KIF11: variants seen among roughly 807,000 people sequenced by gnomAD.
KIF11 encodes the protein kinesin family member 11.
In KIF11, 9 loss-of-function variants were observed where a neutral mutation model predicts 121.0. The ratio of observed to expected loss-of-function variants is 0.07; its 90% CI spans 0.04 to 0.13. The LOEUF (loss-of-function observed/expected upper bound fraction) is 0.13. KIF11 is among the 10% of genes least tolerant of loss of function. The probability of loss-of-function intolerance (pLI) is 1.00; values close to 1 mark genes in which losing one functional copy is unlikely to be tolerated. For missense variants in KIF11, 846 were observed against 1,217.5 expected (o/e 0.69, Z 4.54); for synonymous variants, 408 against 421.0 (o/e 0.97, Z 0.38).
chr10:92,628,879 A>C lies in KIF11; in HGVS notation c.1289A>C (p.Glu430Ala), dbSNP rs554967578. ...TTGATTGAAAAAATTGGTGCTGTTGAGGAGGAGCTGAATAGGGTAAGCACT... is the reference window on the plus strand; with the variant it reads ...TTGATTGAAAAAATTGGTGCTGTTGCGGAGGAGCTGAATAGGGTAAGCACT... The part of the protein sequence containing the change: ...VELIEKIGAV[E>A]EELNRVTELF... Residue 430 changes from glutamate to alanine, a missense_variant, in exon 11 of 22, where the codon GAG becomes GCG. Transcript: ENST00000260731. The C allele has an allele frequency of 6.6e-5, 104 of 1,586,432 alleles. No homozygotes were observed. In the South Asian group the frequency reaches 1.1e-3, roughly 16 times the overall value.
chr10:92,610,200 C>CTGA (rs1049704149), intron 6 of KIF11, among the ~76,000 whole-genome samples: 8 of 152,088 alleles, frequency 5.3e-5, no homozygotes, highest in African/African-American at 1.7e-4. Flanking sequence ...GAGCCCCCTA[C>CTGA]TGATATTAGA....
At chr10:92,612,818 T>G (rs1763862217) in intron 6 of KIF11, among the ~76,000 whole-genome samples, 2 of 152,178 alleles carry the variant, frequency 1.3e-5, no homozygotes, top group East Asian at 3.9e-4. Flanking sequence ...TTAGAGAGCT[T>G]CTTATTGATG....
At chr10:92,605,028 TAA>T (rs1391483576) in intron 1 of KIF11, among the ~76,000 whole-genome samples, 1 of 151,338 alleles carries the variant, frequency 6.6e-6, no homozygotes, top group Admixed American at 6.6e-5. Flanking sequence ...AAAAAAAAGA[TAA>T]GAGAGGTGAT....
chr10:92,593,599 C>T (rs1844257604), intron 1 of KIF11, 147 bp downstream of exon 1: 1 of 660,368 alleles, frequency 1.5e-6, no homozygotes. Flanking sequence ...AAATGACACC[C>T]GGTTGCTGTG....
chr10:92,601,755 T>C (rs1419946620), intron 1 of KIF11, among the ~76,000 whole-genome samples: 1 of 151,828 alleles, frequency 6.6e-6, no homozygotes, highest in Non-Finnish European at 1.5e-5. Flanking sequence ...TTTCCCATGC[T>C]GATCCTGAAC....
At chr10:92,628,774 T>G in intron 10 of KIF11, 34 bp from the exon 11 acceptor site, 2 of 1,165,914 alleles carry the variant, frequency 1.7e-6, no homozygotes, top group Non-Finnish European at 2.5e-6. Flanking sequence ...GAAAAAAATA[T>G]TAACTGTTAA....
intron 10 of KIF11, among the ~76,000 whole-genome samples, chr10:92,627,625 T>C (rs1844694435): frequency 6.6e-6 from 1 of 152,162 alleles, no homozygotes; most frequent in Non-Finnish European, 1.5e-5. Flanking sequence ...ATATCTGTCA[T>C]TTGTATTTAT....
chr10:92,646,664 A>G (rs1375611757), intron 18 of KIF11, among the ~76,000 whole-genome samples: 2 of 152,186 alleles, frequency 1.3e-5, no homozygotes, highest in Non-Finnish European at 2.9e-5. Context: ...AGGTGGCATA[A>G]TTTGAGCATC....
chr10:92,596,103 A>T (rs1844293039), intron 1 of KIF11, among the ~76,000 whole-genome samples: 1 of 152,104 alleles, frequency 6.6e-6, no homozygotes, highest in African/African-American at 2.4e-5. Flanking sequence ...TCCCGGGTTC[A>T]CGCCATTCTC....
At chr10:92,595,573 A>G (rs2135893842) in intron 1 of KIF11, among the ~76,000 whole-genome samples, 1 of 152,276 alleles carries the variant, frequency 6.6e-6, no homozygotes, top group South Asian at 2.1e-4. Context: ...GTCATTTTCA[A>G]ACACACATAA....
Position 92,609,195 on chromosome 10 carries a change from C to T in KIF11, c.563C>T (p.Pro188Leu). ...GAGAGACTACAGATGTTTGATGATCCCCGTAACAAGGTAATTCAGTCTTTG... is the reference window on the plus strand; with the variant it reads ...GAGAGACTACAGATGTTTGATGATCTCCGTAACAAGGTAATTCAGTCTTTG... ...VSERLQMFDDPRNKRGVIIKG... is the reference protein window; with the variant it reads ...VSERLQMFDDLRNKRGVIIKG... Residue 188 changes from proline (P) to leucine (L), a missense_variant, in exon 5 of 22, where the codon CCC (proline) becomes CTC (leucine). Transcript: ENST00000260731. The T allele has an allele frequency of 6.4e-7, 1 of 1,565,118 alleles. No individual in the cohort carries two copies. Among genetic ancestry groups the T allele is most frequent in the South Asian group, 1.2e-5 (1 of 84,722 alleles).
chr10:92,606,410 G>A lies in KIF11; in HGVS notation c.210+13G>A. On this transcript the variant is annotated intron_variant, in intron 2 of 21. Transcript: ENST00000260731. Reference sequence around the variant, plus strand: ...CACTTTTGATATGGTAACATATGGTGCAATTTCTTTATTATCCACTAATGT... The same window carrying A: ...CACTTTTGATATGGTAACATATGGTACAATTTCTTTATTATCCACTAATGT... The A allele has an allele frequency of 1.9e-6, 3 of 1,577,426 alleles. No individual in the cohort carries two copies. Among genetic ancestry groups the A allele is most frequent in the Non-Finnish European group, 2.6e-6 (3 of 1,166,160 alleles).
In KIF11 at chr10:92,609,299, AGAGAGTGTGTGTGT is replaced by A. The variant is rs1441192785; in HGVS notation, c.574-84_574-71del. 119 of 715,080 alleles carry A rather than the reference AGAGAGTGTGTGTGT, an allele frequency of 1.7e-4. No individual in the cohort carries two copies. The Middle Eastern group carries it at 2.1e-3, about 13-fold the overall frequency. 44.3% of individuals were successfully genotyped at this position (715,080 alleles called of 1,614,324 possible). The stretch of plus-strand genomic sequence containing the variant: ...GAGAGAGAGAGAGAGAGAGAGAGAG[AGAGAGTGTGTGTGT>A]GTGTGTGTGTGTGTGTGTGTGTGTG... On this transcript the variant is annotated intron_variant, in intron 5 of 21. Coordinates refer to ENST00000260731, the MANE Select transcript of KIF11 (RefSeq NM_004523.4).
chr10:92,632,272 A>G (rs770728775), intron 12 of KIF11, among the ~76,000 whole-genome samples: 14 of 151,922 alleles, frequency 9.2e-5, no homozygotes, highest in Non-Finnish European at 1.8e-4. Flanking sequence ...GGTTCAAGCA[A>G]TTCTCCTGCC....
chr10:92,630,727 G>A (rs1564712401), intron 12 of KIF11, among the ~76,000 whole-genome samples: 1 of 151,808 alleles, frequency 6.6e-6, no homozygotes, highest in East Asian at 2.0e-4. Flanking sequence ...TTAGCCGGGC[G>A]TGGTGGCGCA....
chr10:92,604,925 G>A lies in KIF11; in HGVS notation c.78-1340G>A, dbSNP rs1342959047. 4.6e-5 allele frequency among the ~76,000 whole-genome samples: 7 copies of A among 152,068 alleles called. No homozygotes were observed. The East Asian group carries it at 1.3e-3, about 29-fold the overall frequency. On this transcript the variant is annotated intron_variant, in intron 1 of 21. Transcript: ENST00000260731. ...TTTAACAGATATTTAAGAACCTACT[G>A]TGTGCTAAGCATGGTAGTTGTTGCT...
intron 19 of KIF11, 50 bp downstream of exon 19, chr10:92,648,484 A>G (rs755066398): frequency 6.7e-6 from 8 of 1,197,558 alleles, no homozygotes; most frequent in African/African-American, 1.5e-5. Context: ...GTCGAATTCA[A>G]CTCTATGTAG....
In KIF11 at chr10:92,637,398, A is replaced by G; in HGVS notation, c.2013A>G (p.Gln671=). The part of the protein sequence containing the change: ...SLTVADKIED[Q]KKELDGFLSI... The stretch of plus-strand genomic sequence containing the variant: ...TTGTTTCTTCAAAGATAGAAGATCA[A>G]AAAAAGGAACTAGATGGCTTTCTCA... Residue 671 remains glutamine (Q), a synonymous_variant, in exon 16 of 22, where the codon CAA becomes CAG. Coordinates refer to ENST00000260731, the MANE Select transcript of KIF11 (RefSeq NM_004523.4). 6.3e-7 allele frequency: 1 copy of G among 1,578,480 alleles called. No homozygotes were observed. The highest frequency in any genetic ancestry group is 8.5e-7 in the Non-Finnish European group (1 of 1,171,574).
rs117291880 is a variant in KIF11 at position 92,615,699 on chromosome 10, G to T, written c.1033-1038G>T. Among the ~76,000 whole-genome samples, 1,071 of 152,048 alleles carry T rather than the reference G, an allele frequency of 7.0e-3. 18 individuals are homozygous for T. The highest frequency in any genetic ancestry group is 0.042 in the East Asian group (215 of 5,174). On this transcript the variant is annotated intron_variant, in intron 8 of 21. Coordinates refer to ENST00000260731, the MANE Select transcript of KIF11 (RefSeq NM_004523.4). ...CCTATTCTGGGTATTTCATATAAAT[G>T]GAATTACGTAATAGGTAGTTTTTTG...
Sources: allele counts gnomAD v4.1 joint callset (sites outside exome capture counted in the v4.1 genomes callset), GRCh38; gene constraint gnomAD v4.1.1; transcripts MANE v1.5; gene names NCBI Gene and HGNC (gene_info 2026-07-23, HGNC 2026-07-21).